AUTS2: variants seen among roughly 807,000 people sequenced by gnomAD.
AUTS2 encodes the protein activator of transcription and developmental regulator AUTS2.
Under a neutral mutation model 112.4 loss-of-function variants are expected in AUTS2, and 17 were observed. The ratio of observed to expected loss-of-function variants is 0.15; its 90% CI spans 0.10 to 0.23. AUTS2 has a LOEUF of 0.23. Among genes scored for constraint, AUTS2 ranks in the 10% least tolerant of loss-of-function variants. The probability of loss-of-function intolerance (pLI) is 1.00; values close to 1 mark genes in which losing one functional copy is unlikely to be tolerated. For synonymous variants in AUTS2, 751 were observed against 702.7 expected, an observed-to-expected ratio of 1.07 and a Z score of -1.09; for missense variants, 1,510 against 1,701.6, an observed-to-expected ratio of 0.89 and a Z score of 1.98.
intron 3 of AUTS2, among the ~76,000 whole-genome samples, chr7:70,120,933 C>A (rs930005019): frequency 2.6e-5 from 4 of 152,110 alleles, no homozygotes; most frequent in Non-Finnish European, 4.4e-5. Context: ...CTCACACTTA[C>A]CAACCTCAAA....
In AUTS2 at chr7:70,482,540, C is replaced by G. The variant is rs889664265; in HGVS notation, c.690+46759C>G. 4.6e-5 allele frequency among the ~76,000 whole-genome samples: 7 copies of G among 152,274 alleles called. No homozygotes were observed. The East Asian group carries it at 1.2e-3, about 25-fold the overall frequency. ...TTTATGTTAAGGGATGGCTGAGGAC[C>G]AGGCTCAGATTCCACAAGGATTATC... is the stretch of plus-strand genomic sequence containing the variant. On this transcript the variant is annotated intron_variant, in intron 5 of 18. Transcript: ENST00000342771.
At chr7:70,051,187 A>G (rs1801735606) in intron 2 of AUTS2, among the ~76,000 whole-genome samples, 1 of 152,140 alleles carries the variant, frequency 6.6e-6, no homozygotes, top group Non-Finnish European at 1.5e-5. Flanking sequence ...AGATTTAATG[A>G]TTAAGGAAAC....
chr7:70,299,707 G>C (rs1399187071), intron 4 of AUTS2, among the ~76,000 whole-genome samples: 2 of 152,068 alleles, frequency 1.3e-5, no homozygotes, highest in Non-Finnish European at 2.9e-5. Context: ...TCCAAACCTG[G>C]TACATCATCA....
At chr7:69,765,200 C>A (rs1003123854) in intron 1 of AUTS2, among the ~76,000 whole-genome samples, 1 of 152,156 alleles carries the variant, frequency 6.6e-6, no homozygotes, top group African/African-American at 2.4e-5. Context: ...TATTCCACTT[C>A]TTCTTTGGCA....
At chr7:69,976,367 T>A (rs759719372) in intron 2 of AUTS2, among the ~76,000 whole-genome samples, 1 of 152,264 alleles carries the variant, frequency 6.6e-6, no homozygotes, top group African/African-American at 2.4e-5. Context: ...TTCCATTGTA[T>A]GAATATACGG....
chr7:69,649,945 A>C (rs927051286), intron 1 of AUTS2, among the ~76,000 whole-genome samples: 1 of 152,050 alleles, frequency 6.6e-6, no homozygotes, highest in East Asian at 1.9e-4. Flanking sequence ...TTTTTTTCCT[A>C]TTCCTTTCTC....
At chr7:70,256,072 C>G (rs137974991) in intron 4 of AUTS2, among the ~76,000 whole-genome samples, 58 of 152,236 alleles carry the variant, frequency 3.8e-4, no homozygotes, top group African/African-American at 1.3e-3. Context: ...ATGTGTAGGA[C>G]GCTAATGATG....
intron 4 of AUTS2, among the ~76,000 whole-genome samples, chr7:70,150,877 T>A (rs1268626544): frequency 6.6e-6 from 1 of 152,222 alleles, no homozygotes; most frequent in Non-Finnish European, 1.5e-5. Flanking sequence ...GAATTTATTG[T>A]TCTATTAGAA....
At chr7:70,337,667 A>G (rs780230795) in intron 4 of AUTS2, among the ~76,000 whole-genome samples, 1 of 152,234 alleles carries the variant, frequency 6.6e-6, no homozygotes, top group African/African-American at 2.4e-5. Flanking sequence ...CTTTCATGGC[A>G]GGGAAGTCCC....
intron 4 of AUTS2, among the ~76,000 whole-genome samples, chr7:70,147,947 A>G (rs1030967144): frequency 6.6e-6 from 1 of 151,978 alleles, no homozygotes; most frequent in Non-Finnish European, 1.5e-5. Flanking sequence ...AAATATCCCA[A>G]AGTACCCTAC....
intron 4 of AUTS2, among the ~76,000 whole-genome samples, chr7:70,315,328 G>A (rs984211100): frequency 3.9e-5 from 6 of 152,214 alleles, no homozygotes; most frequent in African/African-American, 1.4e-4. Context: ...TGAGGAACAG[G>A]TAGGCCTGAA....
At chr7:70,593,507 C>T (rs148678163) in intron 5 of AUTS2, among the ~76,000 whole-genome samples, 187 of 152,178 alleles carry the variant, frequency 1.2e-3, no homozygotes, top group Middle Eastern at 3.4e-3. Flanking sequence ...CAGGCACAAC[C>T]GAGAGGACCT....
At chr7:70,005,340 C>G (rs1236499902) in intron 2 of AUTS2, among the ~76,000 whole-genome samples, 2 of 152,032 alleles carry the variant, frequency 1.3e-5, no homozygotes, top group Admixed American at 6.5e-5. Context: ...ATAGTTAGAT[C>G]TAAGCCCCTT....
At chr7:69,998,987 G>T (rs898383348) in intron 2 of AUTS2, among the ~76,000 whole-genome samples, 2 of 152,172 alleles carry the variant, frequency 1.3e-5, no homozygotes, top group African/African-American at 4.8e-5. Context: ...AGGCTTTAGC[G>T]AGGAGGTCTG....
At chr7:69,647,147 T>C (rs1274628119) in intron 1 of AUTS2, among the ~76,000 whole-genome samples, 9 of 152,158 alleles carry the variant, frequency 5.9e-5, no homozygotes, top group Admixed American at 2.6e-4. Flanking sequence ...CATTTTTTTT[T>C]CAGGTATTTG....
chr7:69,666,006 C>T (rs1796016424), intron 1 of AUTS2, among the ~76,000 whole-genome samples: 1 of 152,078 alleles, frequency 6.6e-6, no homozygotes, highest in Non-Finnish European at 1.5e-5. Context: ...AGTAAGAGCC[C>T]TCAATTTAAT....
chr7:69,788,427 GGCA>G (rs570041137), intron 1 of AUTS2, among the ~76,000 whole-genome samples: 176 of 152,256 alleles, frequency 1.2e-3, no homozygotes, highest in African/African-American at 3.8e-3. Flanking sequence ...TCAGGGGAAG[GGCA>G]GCAGCATGGT....
At chr7:70,371,707 T>A (rs1792845904) in intron 4 of AUTS2, among the ~76,000 whole-genome samples, 1 of 152,214 alleles carries the variant, frequency 6.6e-6, no homozygotes, top group Admixed American at 6.5e-5. Flanking sequence ...ATTAGTTCAT[T>A]GATTAGTTTA....
intron 1 of AUTS2, among the ~76,000 whole-genome samples, chr7:69,768,444 T>C (rs1788523483): frequency 6.6e-6 from 1 of 152,206 alleles, no homozygotes. Context: ...GTTCAAACCC[T>C]GGAGTGTAGC....
Sources: gnomAD v4.1 joint callset for allele counts (sites outside exome capture counted in the v4.1 genomes callset) on GRCh38, gnomAD v4.1.1 for gene constraint, MANE v1.5 for transcripts, NCBI Gene and HGNC (gene_info 2026-07-23, HGNC 2026-07-21) for gene names.